DLGAP2: variants seen among roughly 807,000 people sequenced by gnomAD.
DLGAP2 encodes the protein disks large-associated protein 2.
A neutral mutation model predicts 100.3 loss-of-function variants in DLGAP2; 26 were observed. That is an observed-to-expected ratio of 0.26 (90% CI 0.19 to 0.36). The LOEUF is 0.36. DLGAP2 is among the 10% of genes least tolerant of loss of function. The pLI is 1.00. For synonymous variants in DLGAP2, 886 were observed against 630.1 expected (o/e 1.41, Z -6.08); for missense variants, 1,858 against 1,453.2 (o/e 1.28, Z -4.53).
At chr8:1,073,135 C>T (rs1803486702) in intron 2 of DLGAP2, among the ~76,000 whole-genome samples, 1 of 152,216 alleles carries the variant, frequency 6.6e-6, no homozygotes, top group South Asian at 2.1e-4. Flanking sequence ...GAGGCACGAT[C>T]TGGCTTCCAG....
chr8:746,521 A>G (rs1170199469), intron 1 of DLGAP2, among the ~76,000 whole-genome samples: 2 of 152,134 alleles, frequency 1.3e-5, no homozygotes, highest in African/African-American at 2.4e-5. Flanking sequence ...GGGAGAGAAG[A>G]TCTGTGGGAT....
intron 3 of DLGAP2, among the ~76,000 whole-genome samples, chr8:1,462,583 G>A (rs574162199): frequency 3.2e-4 from 48 of 152,266 alleles, no homozygotes; most frequent in African/African-American, 1.1e-3. Flanking sequence ...AGGTGCTGCT[G>A]TCACGGGACT....
intron 3 of DLGAP2, among the ~76,000 whole-genome samples, chr8:1,448,302 G>A (rs1483078371): frequency 6.6e-6 from 1 of 152,096 alleles, no homozygotes; most frequent in Non-Finnish European, 1.5e-5. Context: ...GTTCTCGTTG[G>A]TTTCAAAGAA....
intron 3 of DLGAP2, among the ~76,000 whole-genome samples, chr8:1,361,086 A>C (rs999445808): frequency 6.6e-6 from 1 of 152,218 alleles, no homozygotes; most frequent in Admixed American, 6.5e-5. Context: ...GACCAGCCCC[A>C]GGCTGTTCAC....
intron 2 of DLGAP2, among the ~76,000 whole-genome samples, chr8:1,089,875 C>G (rs1049648660): frequency 5.3e-5 from 8 of 152,218 alleles, no homozygotes; most frequent in African/African-American, 1.9e-4. Flanking sequence ...ACACATGTGA[C>G]AGTTTCTTGC....
chr8:1,698,502 C>A (rs879293082), intron 14 of DLGAP2, among the ~76,000 whole-genome samples: 333 of 135,010 alleles, frequency 2.5e-3, no homozygotes, highest in African/African-American at 9.7e-3. Context: ...GGCAGGTCCA[C>A]GTAAGCCACA....
At chr8:1,363,160 G>A (rs1563106308) in intron 3 of DLGAP2, among the ~76,000 whole-genome samples, 1 of 152,256 alleles carries the variant, frequency 6.6e-6, no homozygotes, top group Non-Finnish European at 1.5e-5. Flanking sequence ...ATCTGCAGGT[G>A]GAGCTGGCTG....
chr8:1,358,091 C>T (rs911507593), intron 3 of DLGAP2, among the ~76,000 whole-genome samples: 1 of 152,256 alleles, frequency 6.6e-6, no homozygotes, highest in South Asian at 2.1e-4. Context: ...GCAGCCCCCT[C>T]CCAGGAGGAA....
intron 3 of DLGAP2, among the ~76,000 whole-genome samples, chr8:1,336,472 C>T (rs1488164034): frequency 6.6e-6 from 1 of 152,202 alleles, no homozygotes; most frequent in Admixed American, 6.5e-5. Flanking sequence ...TTACAGACGT[C>T]CGTTATGAGG....
intron 1 of DLGAP2, among the ~76,000 whole-genome samples, chr8:803,543 C>T (rs575651964): frequency 4.0e-5 from 6 of 148,380 alleles, no homozygotes; most frequent in East Asian, 2.0e-4. Context: ...CTGCCTCTGA[C>T]GTTACCAGTG....
chr8:940,638 G>T (rs926104321), intron 2 of DLGAP2, among the ~76,000 whole-genome samples: 1 of 152,118 alleles, frequency 6.6e-6, no homozygotes, highest in African/African-American at 2.4e-5. Flanking sequence ...GAAGGGGGAA[G>T]GAAAGGTTTT....
chr8:769,831 G>C (rs890747754), intron 1 of DLGAP2, among the ~76,000 whole-genome samples: 2 of 152,098 alleles, frequency 1.3e-5, no homozygotes, highest in African/African-American at 4.8e-5. Flanking sequence ...CAGGCCCCTA[G>C]AGCAGCCTCC....
intron 12 of DLGAP2, among the ~76,000 whole-genome samples, chr8:1,683,466 A>T (rs1799011667): frequency 6.6e-6 from 1 of 151,388 alleles, no homozygotes; most frequent in Non-Finnish European, 1.5e-5. Flanking sequence ...TGGCCGGGGC[A>T]TTCCCCATAC....
rs1329685831 is a variant in DLGAP2 at position 1,568,731 on chromosome 8, TCCGCTCTGCCCGTGGCCC to T, written c.1442+2840_1442+2857del. On this transcript the variant is annotated intron_variant, in intron 6 of 14. Transcript: ENST00000637795. ...CCACTGCCCACTCAGCAGACACAAT[TCCGCTCTGCCCGTGGCCC>T]CCATGCCACTGTCCACTCAGCAGAC... 2.0e-4 allele frequency among the ~76,000 whole-genome samples: 21 copies of T among 105,088 alleles called. 1 individual carries two copies. Among genetic ancestry groups the T allele is most frequent in the African/African-American group, 5.1e-4 (13 of 25,520 alleles). The allele number at this position is 105,088 out of a possible 152,430, so 68.9% of individuals were successfully genotyped here. A position where few individuals can be genotyped will look rare whatever the true frequency, so the allele number is the denominator to read the frequency against.
intron 3 of DLGAP2, among the ~76,000 whole-genome samples, chr8:1,309,959 G>A (rs1024572826): frequency 3.3e-5 from 5 of 151,658 alleles, no homozygotes; most frequent in African/African-American, 1.2e-4. Context: ...GCCAGGTGTG[G>A]TGTTGGTTGC....
chr8:1,639,357 G>T (rs1320943919), intron 8 of DLGAP2, among the ~76,000 whole-genome samples: 1 of 152,184 alleles, frequency 6.6e-6, no homozygotes, highest in Admixed American at 6.5e-5. Context: ...ACCACAGTGG[G>T]AACAGAGGCT....
chr8:1,227,171 TATAG>T lies in DLGAP2; in HGVS notation c.74-31679_74-31676del, dbSNP rs1016253175. Among the ~76,000 whole-genome samples the T allele has an allele frequency of 6.6e-5, 9 of 135,418 alleles. 1 individual carries two copies. The highest frequency in any genetic ancestry group is 2.3e-4 in the South Asian group (1 of 4,312). 88.8% of individuals were successfully genotyped at this position (135,418 alleles called of 152,430 possible). A position where few individuals can be genotyped will look rare whatever the true frequency, so the allele number is the denominator to read the frequency against. ...ACTGTGAGATATATATATATATATA[TATAG>T]TATAGATATATATTATCCATTCATT... On this transcript the variant is annotated intron_variant, in intron 2 of 14. Transcript: ENST00000637795.
At position 945,844 on chromosome 8, in the gene DLGAP2, G is replaced by A. The variant is rs143580646; in HGVS notation, c.73+37878G>A. Among the ~76,000 whole-genome samples, 10 of 152,028 alleles carry A rather than the reference G, an allele frequency of 6.6e-5. No individual in the cohort carries two copies. The East Asian group carries it at 1.7e-3, about 26-fold the overall frequency. On this transcript the variant is annotated intron_variant, in intron 2 of 14. Transcript: ENST00000637795. ...TCCATTTCCCCCTCTCTCTCTGCGTGTGTCTCTTTGCCTACATTAATGTTG... is the reference window on the plus strand; with the variant it reads ...TCCATTTCCCCCTCTCTCTCTGCGTATGTCTCTTTGCCTACATTAATGTTG...
chr8:804,043 G>C (rs6420231), intron 1 of DLGAP2, among the ~76,000 whole-genome samples: 2 of 151,952 alleles, frequency 1.3e-5, no homozygotes, highest in African/African-American at 4.8e-5. Context: ...ATATGGTGGC[G>C]AGAGTGGTGT....
Sources: gnomAD v4.1 joint callset for allele counts (sites outside exome capture counted in the v4.1 genomes callset) on GRCh38, gnomAD v4.1.1 for gene constraint, MANE v1.5 for transcripts, NCBI Gene and HGNC (gene_info 2026-07-23, HGNC 2026-07-21) for gene names.